The following ZPLD1 variants were observed in gnomAD, a reference collection of about 807,000 sequenced individuals.
The protein encoded by ZPLD1 is zona pellucida like domain containing 1, also known as zona pellucida-like domain-containing protein 1.
A neutral mutation model predicts 47.2 loss-of-function variants in ZPLD1; 34 were observed. That is an observed-to-expected ratio of 0.72 (90% CI 0.55 to 0.96). The LOEUF is 0.96. Among genes scored for constraint, ZPLD1 ranks in the 40% least tolerant of loss-of-function variants. ZPLD1 has a pLI of 0.00. For synonymous variants in ZPLD1, 176 were observed against 186.2 expected (o/e 0.95, Z 0.45); for missense variants, 512 against 505.8 (o/e 1.01, Z -0.12).
At chr3:102,392,377 A>G (rs1706505545) in intron 7 of ZPLD1, among the ~76,000 whole-genome samples, 2 of 152,166 alleles carry the variant, frequency 1.3e-5, no homozygotes, top group Admixed American at 1.3e-4. Context: ...TCTGGAGGCT[A>G]GGAAGTCCAA....
chr3:102,458,450 T>C (rs565733168), intron 6 of ZPLD1, among the ~76,000 whole-genome samples: 30 of 152,316 alleles, frequency 2.0e-4, no homozygotes, highest in Admixed American at 9.2e-4. Flanking sequence ...CCAAATGATA[T>C]TTTGATGTTG....
intron 3 of ZPLD1, among the ~76,000 whole-genome samples, chr3:102,449,055 C>T (rs1211072025): frequency 1.3e-5 from 2 of 152,230 alleles, no homozygotes; most frequent in Non-Finnish European, 2.9e-5. Context: ...GTGCCTAACA[C>T]ATGTCCTCAT....
intron 6 of ZPLD1, among the ~76,000 whole-genome samples, chr3:102,389,825 T>C (rs925479674): frequency 2.0e-5 from 3 of 152,214 alleles, no homozygotes; most frequent in Non-Finnish European, 2.9e-5. Flanking sequence ...CATTAGCTAA[T>C]GCAACAGAGA....
chr3:102,443,428 C>G (rs1034426852), intron 3 of ZPLD1, among the ~76,000 whole-genome samples: 1 of 152,092 alleles, frequency 6.6e-6, no homozygotes, highest in African/African-American at 2.4e-5. Flanking sequence ...TATTGCAAAT[C>G]TGCAAATTAA....
chr3:102,414,719 C>T (rs571028677), intron 7 of ZPLD1, among the ~76,000 whole-genome samples: 49 of 151,482 alleles, frequency 3.2e-4, no homozygotes, highest in African/African-American at 1.0e-3. Context: ...TTGAAACCAT[C>T]GAGAATGTAT....
At chr3:102,442,300 A>G (rs989766736) in intron 3 of ZPLD1, among the ~76,000 whole-genome samples, 1 of 145,160 alleles carries the variant, frequency 6.9e-6, no homozygotes, top group African/African-American at 2.6e-5. Flanking sequence ...ACATATATTC[A>G]TAAACACATA....
intron 7 of ZPLD1, among the ~76,000 whole-genome samples, chr3:102,399,798 C>T (rs1048750884): frequency 2.0e-5 from 3 of 151,812 alleles, no homozygotes; most frequent in African/African-American, 7.3e-5. Flanking sequence ...TTTTCCAAGT[C>T]AGAGAGTTTG....
chr3:102,454,039 C>T (rs1707376636), intron 4 of ZPLD1, among the ~76,000 whole-genome samples: 1 of 151,994 alleles, frequency 6.6e-6, no homozygotes, highest in African/African-American at 2.4e-5. Flanking sequence ...AACCACTTAG[C>T]CCAGGGAAGG....
rs63183460 is a variant in ZPLD1 at position 102,407,392 on chromosome 3, AATATATATATATATATATATATAT to A, written c.-156-10640_-156-10617del. Among the ~76,000 whole-genome samples the A allele has an allele frequency of 2.6e-3, 100 of 37,896 alleles. 4 individuals are homozygous for A. The highest frequency in any genetic ancestry group is 0.023 in the Middle Eastern group (1 of 44). 24.9% of individuals were successfully genotyped at this position (37,896 alleles called of 152,430 possible). A position where few individuals can be genotyped will look rare whatever the true frequency, so the allele number is the denominator to read the frequency against. ...GTATTTATAGAAGCCTTGATTTTCA[AATATATATATATATATATATATAT>A]ATATATATATATATATATATATATA... is the stretch of plus-strand genomic sequence containing the variant. On this transcript the variant is annotated intron_variant, in intron 7 of 17. Transcript: ENST00000491959.
chr3:102,398,901 CAT>C (rs1455233049), intron 7 of ZPLD1, among the ~76,000 whole-genome samples: 51 of 149,968 alleles, frequency 3.4e-4, no homozygotes, highest in African/African-American at 1.0e-3. Flanking sequence ...CACACACACA[CAT>C]ATGCACGCAC....
chr3:102,474,854 C>A (rs1475760049), intron 10 of ZPLD1, among the ~76,000 whole-genome samples: 1 of 152,056 alleles, frequency 6.6e-6, no homozygotes, highest in East Asian at 1.9e-4. Flanking sequence ...CAGAAGGCTT[C>A]AGGTGTTTCT....
intron 7 of ZPLD1, among the ~76,000 whole-genome samples, chr3:102,416,629 A>C (rs557771804): frequency 6.6e-6 from 1 of 151,964 alleles, no homozygotes; most frequent in Non-Finnish European, 1.5e-5. Flanking sequence ...TAAATTACTT[A>C]TCTATTATTG....
chr3:102,461,399 C>T (rs181164462), intron 6 of ZPLD1, among the ~76,000 whole-genome samples: 107 of 151,774 alleles, frequency 7.0e-4, no homozygotes, highest in Admixed American at 1.2e-3. Flanking sequence ...ATTTCTAATC[C>T]GATGCTTTAA....
At chr3:102,438,020 G>C (rs1264177975) in intron 2 of ZPLD1, among the ~76,000 whole-genome samples, 2 of 152,076 alleles carry the variant, frequency 1.3e-5, no homozygotes, top group Admixed American at 6.6e-5. Context: ...GTTGTTATTT[G>C]GTCATTAAGA....
intron 7 of ZPLD1, among the ~76,000 whole-genome samples, chr3:102,400,312 A>G (rs1449698287): frequency 6.6e-6 from 1 of 152,050 alleles, no homozygotes; most frequent in Non-Finnish European, 1.5e-5. Flanking sequence ...TTTATGTAGG[A>G]AATTTTATGT....
At chr3:102,446,515 T>C (rs1707257843) in intron 3 of ZPLD1, among the ~76,000 whole-genome samples, 2 of 152,126 alleles carry the variant, frequency 1.3e-5, no homozygotes, top group South Asian at 4.1e-4. Context: ...TGCTGTACAT[T>C]TCTGCTTGAA....
chr3:102,390,780 C>T (rs911211286), intron 6 of ZPLD1, among the ~76,000 whole-genome samples: 1 of 152,142 alleles, frequency 6.6e-6, no homozygotes, highest in African/African-American at 2.4e-5. Flanking sequence ...GCTTAACTGG[C>T]CACTCATAGC....
chr3:102,390,723 A>T (rs1228324801), intron 6 of ZPLD1, among the ~76,000 whole-genome samples: 2 of 152,214 alleles, frequency 1.3e-5, no homozygotes, highest in Non-Finnish European at 2.9e-5. Context: ...GATTGCTGAG[A>T]TGAGCAGTGG....
rs80285988 is a variant in ZPLD1, at chr3:102,425,100, T to G, written c.-9+6893T>G. On this transcript the variant is annotated intron_variant, in intron 8 of 17. Transcript: ENST00000491959. ...CATACAGGAGGAAATGCAACTATTT[T>G]ATATTTTTCAAATACCTAATCTCTG... Among the ~76,000 whole-genome samples, 374 of 152,252 alleles carry G rather than the reference T, an allele frequency of 2.5e-3. 2 individuals are homozygous for G. Among genetic ancestry groups the G allele is most frequent in the African/African-American group, 8.7e-3 (361 of 41,558 alleles).
Sources: gnomAD v4.1 joint callset for allele counts (sites outside exome capture counted in the v4.1 genomes callset) on GRCh38, gnomAD v4.1.1 for gene constraint, MANE v1.5 for transcripts, NCBI Gene and HGNC (gene_info 2026-07-23, HGNC 2026-07-21) for gene names.